Variants in CCDC69 observed in about 807,000 individuals in gnomAD.
CCDC69 encodes the protein coiled-coil domain-containing protein 69.
CCDC69 carries 38 observed loss-of-function variants against 40.3 expected under a neutral mutation model. The ratio of observed to expected loss-of-function variants is 0.94; its 90% CI spans 0.73 to 1.24. The LOEUF (loss-of-function observed/expected upper bound fraction) is 1.24. Ranked by LOEUF, CCDC69 falls within the 50% of genes most tolerant of loss-of-function variation. The pLI is 0.00. For missense variants in CCDC69, 389 were observed against 357.9 expected, an observed-to-expected ratio of 1.09 and a Z score of -0.70; for synonymous variants, 141 against 138.9, an observed-to-expected ratio of 1.02 and a Z score of -0.11.
chr5:151,210,280 A>G (rs10071607), intron 1 of CCDC69, among the ~76,000 whole-genome samples: 10,451 of 152,264 alleles, frequency 0.069, 352 homozygotes, highest in South Asian at 0.11. Context: ...GCGGTGGCTC[A>G]TGCCTATAAT....
rs373722885 is a variant in CCDC69, at chr5:151,192,070, G to C, written c.320-4611C>G. Among the ~76,000 whole-genome samples, 76 of 93,018 alleles carry C rather than the reference G, an allele frequency of 8.2e-4. 1 individual carries two copies. Among genetic ancestry groups the C allele is most frequent in the African/African-American group, 3.2e-3 (73 of 22,492 alleles). The allele number at this position is 93,018 out of a possible 152,430, so 61.0% of individuals were successfully genotyped here. Reference sequence around the variant, plus strand: ...ACTGTACTCCAGCCTGGGAGACAGAGCAAAACCCTGTCTCAGGAAAAAAAA... The same window carrying C: ...ACTGTACTCCAGCCTGGGAGACAGACCAAAACCCTGTCTCAGGAAAAAAAA... On this transcript the variant is annotated intron_variant, in intron 4 of 8. Transcript: ENST00000355417.
intron 1 of CCDC69, among the ~76,000 whole-genome samples, chr5:151,209,304 A>T (rs1222911387): frequency 6.6e-6 from 1 of 152,264 alleles, no homozygotes. Context: ...ATCCCACGTC[A>T]TCTGCTTTGG....
intron 1 of CCDC69, among the ~76,000 whole-genome samples, chr5:151,214,687 G>A (rs924145463): frequency 1.1e-4 from 16 of 152,160 alleles, no homozygotes; most frequent in African/African-American, 3.1e-4. Flanking sequence ...CCGCTGCACC[G>A]GGGACACGGC....
chr5:151,220,211 T>C (rs755709979), intron 1 of CCDC69, among the ~76,000 whole-genome samples: 5 of 152,244 alleles, frequency 3.3e-5, no homozygotes, highest in Non-Finnish European at 7.3e-5. Context: ...ACATTAAGTC[T>C]GTGCCTCCTT....
intron 2 of CCDC69, among the ~76,000 whole-genome samples, chr5:151,203,238 G>A (rs756210649): frequency 1.6e-4 from 24 of 152,060 alleles, no homozygotes; most frequent in South Asian, 1.2e-3. Context: ...GGCCAGGCGC[G>A]ATGGCTCACA....
At chr5:151,218,325 G>T (rs578079260) in intron 1 of CCDC69, among the ~76,000 whole-genome samples, 1 of 152,160 alleles carries the variant, frequency 6.6e-6, no homozygotes, top group Non-Finnish European at 1.5e-5. Context: ...CTGCAGTGGG[G>T]GCTCCCAGTC....
intron 1 of CCDC69, among the ~76,000 whole-genome samples, chr5:151,216,488 C>T (rs1582052159): frequency 6.9e-6 from 1 of 145,106 alleles, no homozygotes; most frequent in African/African-American, 2.6e-5. Context: ...GCGATCTCGG[C>T]TCGCTGCAGC....
chr5:151,204,008 T>A (rs1561602422), intron 2 of CCDC69, among the ~76,000 whole-genome samples: 1 of 150,334 alleles, frequency 6.7e-6, no homozygotes, highest in African/African-American at 2.5e-5. Context: ...GTCCCTAGAA[T>A]CTGCATCTTT....
chr5:151,189,667 A>C (rs1752579989), intron 4 of CCDC69, among the ~76,000 whole-genome samples: 1 of 152,208 alleles, frequency 6.6e-6, no homozygotes, highest in African/African-American at 2.4e-5. Context: ...AAGTAAGCCC[A>C]AAGAAATCCA....
intron 2 of CCDC69, among the ~76,000 whole-genome samples, chr5:151,202,065 T>C (rs1752783376): frequency 6.6e-6 from 1 of 151,996 alleles, no homozygotes; most frequent in African/African-American, 2.4e-5. Context: ...TTTTAAAAAA[T>C]TAGTCGCTGG....
intron 1 of CCDC69, among the ~76,000 whole-genome samples, chr5:151,217,955 G>A (rs965648160): frequency 1.2e-4 from 18 of 151,800 alleles, no homozygotes; most frequent in African/African-American, 3.6e-4. Context: ...AGAAAATGGC[G>A]AGGAAAGCCA....
chr5:151,188,088 C>T (rs943100843), intron 4 of CCDC69, among the ~76,000 whole-genome samples: 17 of 152,144 alleles, frequency 1.1e-4, no homozygotes, highest in Admixed American at 4.6e-4. Context: ...ACAGACAGGG[C>T]GGTGCTGTAC....
intron 4 of CCDC69, among the ~76,000 whole-genome samples, chr5:151,190,469 C>G (rs879554157): frequency 2.6e-5 from 4 of 151,902 alleles, no homozygotes; most frequent in African/African-American, 4.8e-5. Flanking sequence ...AGTTCCAGAC[C>G]AGACTGGCCA....
intron 4 of CCDC69, among the ~76,000 whole-genome samples, chr5:151,191,655 T>C (rs1007330958): frequency 6.6e-6 from 1 of 152,178 alleles, no homozygotes; most frequent in African/African-American, 2.4e-5. Context: ...TGAAAATATT[T>C]TGAACTCAAC....
At position 151,223,929 on chromosome 5, in the gene CCDC69, C is replaced by CG; in HGVS notation, c.41dup (p.Lys15GlufsTer19). 2 of 1,583,240 alleles carry CG rather than the reference C, an allele frequency of 1.3e-6. No individual in the cohort carries two copies. On this transcript the variant is annotated frameshift_variant, in exon 1 of 9. Coordinates refer to ENST00000355417, the MANE Select transcript of CCDC69 (RefSeq NM_015621.3). LOFTEE classifies it high-confidence loss of function. ...CTCCGCCGGCGCCCTTTACCTTTTT[C>CG]GGGGGTTTGCAGCTGCTCAGCCTGC...
chr5:151,206,398 C>A (rs958278557), intron 1 of CCDC69, among the ~76,000 whole-genome samples: 2 of 152,090 alleles, frequency 1.3e-5, no homozygotes, highest in Non-Finnish European at 2.9e-5. Flanking sequence ...AACTATTGAC[C>A]ATTGGTGATC....
chr5:151,184,504 C>G, intron 7 of CCDC69, 63 bp from the exon 8 acceptor site: 1 of 1,011,212 alleles, frequency 9.9e-7, no homozygotes, highest in Non-Finnish European at 1.6e-6. Context: ...TGTGCTGTCA[C>G]CTCCCTCTTA....
intron 1 of CCDC69, 129 bp downstream of exon 1, chr5:151,223,794 C>T: frequency 1.2e-6 from 1 of 865,736 alleles, no homozygotes. Context: ...TCTGAGCTGG[C>T]CTCTCCAGGT....
At chr5:151,188,694 A>C (rs1654187) in intron 4 of CCDC69, among the ~76,000 whole-genome samples, 125,049 of 151,146 alleles carry the variant, frequency 0.83, 52,410 homozygotes, top group African/African-American at 0.96. Context: ...TAATATTTAT[A>C]AATATATAAT....
Sources: gnomAD v4.1 joint callset for allele counts (sites outside exome capture counted in the v4.1 genomes callset) on GRCh38, gnomAD v4.1.1 for gene constraint, MANE v1.5 for transcripts, NCBI Gene and HGNC (gene_info 2026-07-23, HGNC 2026-07-21) for gene names.